The following TXNRD2 variants were observed in gnomAD, a reference collection of about 807,000 sequenced individuals.
TXNRD2 encodes thioredoxin reductase 2, mitochondrial.
TXNRD2 carries 67 observed loss-of-function variants against 70.8 expected under a neutral mutation model. That is an observed-to-expected ratio of 0.95 (90% CI 0.78 to 1.16). TXNRD2 has a LOEUF of 1.16. Ranked by LOEUF, TXNRD2 falls within the 50% of genes most tolerant of loss-of-function variation. TXNRD2 has a pLI of 0.00. For synonymous variants in TXNRD2, 301 were observed against 295.8 expected, an observed-to-expected ratio of 1.02 and a Z score of -0.18; for missense variants, 644 against 719.9, an observed-to-expected ratio of 0.89 and a Z score of 1.21.
At position 19,879,625 on chromosome 22, in the gene TXNRD2, G is replaced by C. The variant is rs533298364; in HGVS notation, c.1275+554C>G. ...AGACGAGGTGCAGGGTGGTGGGGGGGGTGGGGGTGGAAGCAGAGGTCGGAG... is the reference window on the plus strand; with the variant it reads ...AGACGAGGTGCAGGGTGGTGGGGGGCGTGGGGGTGGAAGCAGAGGTCGGAG... On this transcript the variant is annotated intron_variant, in intron 14 of 17. Transcript: ENST00000400521. Among the ~76,000 whole-genome samples, 96 of 151,524 alleles carry C rather than the reference G, an allele frequency of 6.3e-4. 2 individuals are homozygous for C. The highest frequency in any genetic ancestry group is 2.1e-3 in the African/African-American group (85 of 41,282).
chr22:19,880,799 G>A (rs771506048), intron 12 of TXNRD2, 82 bp from the exon 13 acceptor site: 14 of 939,598 alleles, frequency 1.5e-5, no homozygotes, highest in Admixed American at 7.9e-5. Flanking sequence ...TTTGCCCTCC[G>A]AGTGGGCATC....
At chr22:19,891,872 G>C (rs532113100) in intron 11 of TXNRD2, 5 of 152,236 alleles carry the variant, frequency 3.3e-5, no homozygotes, top group Admixed American at 6.5e-5. Flanking sequence ...TCAAGGCTGC[G>C]TCGAGGAAGG....
intron 3 of TXNRD2, 39 bp from the exon 4 acceptor site, chr22:19,919,043 G>A: frequency 4.4e-6 from 7 of 1,595,168 alleles, no homozygotes; most frequent in Non-Finnish European, 5.9e-6. Flanking sequence ...TTATGTTCAG[G>A]TGACTGCTGG....
chr22:19,884,486 T>C (rs3788306), intron 11 of TXNRD2: 38,453 of 152,220 alleles, frequency 0.25, 5,153 homozygotes, highest in Non-Finnish European at 0.3. Flanking sequence ...TGGTACTGAC[T>C]TCATCCGGAG....
intron 8 of TXNRD2, among the ~76,000 whole-genome samples, chr22:19,903,782 T>C (rs1406509255): frequency 6.6e-6 from 1 of 152,230 alleles, no homozygotes; most frequent in Non-Finnish European, 1.5e-5. Context: ...TTCCTCCACC[T>C]GCCGGGGGCT....
intron 7 of TXNRD2, 51 bp from the exon 8 acceptor site, chr22:19,911,498 T>A: frequency 2.1e-6 from 3 of 1,431,048 alleles, no homozygotes; most frequent in Non-Finnish European, 3.0e-6. Context: ...TGGCCTGTCC[T>A]AGGGCTTCCT....
rs182857388 is a variant in TXNRD2 at position 19,915,831 on chromosome 22, G to A, written c.462C>T (p.Tyr154=). 297 of 1,614,132 alleles carry A rather than the reference G, an allele frequency of 1.8e-4. 2 individuals are homozygous for A. In the East Asian group the frequency reaches 5.9e-3, roughly 32 times the overall value. Reference sequence around the variant, plus strand: ...CAACAAAGCTGGCTTTGATGTTAAAGTACTTGACTTTTCTGAAAGATAAAG... The same window carrying A: ...CAACAAAGCTGGCTTTGATGTTAAAATACTTGACTTTTCTGAAAGATAAAG... ...RVQLQDRKVK[Y]FNIKASFVDE... is the part of the protein sequence containing the mutation. Residue 154 remains tyrosine (Y), a synonymous_variant, in exon 6 of 18, where the codon TAC becomes TAT. Transcript: ENST00000400521.
chr22:19,934,102 C>T (rs969230152), intron 1 of TXNRD2, among the ~76,000 whole-genome samples: 6 of 152,240 alleles, frequency 3.9e-5, no homozygotes, highest in Admixed American at 6.5e-5. Flanking sequence ...CAGGGTGCCA[C>T]CTCAGGGGCC....
At chr22:19,929,947 C>T (rs925633019) in intron 2 of TXNRD2, among the ~76,000 whole-genome samples, 8 of 152,158 alleles carry the variant, frequency 5.3e-5, no homozygotes, top group African/African-American at 1.4e-4. Context: ...GTCCACATTC[C>T]GGATTAAAGG....
intron 1 of TXNRD2, chr22:19,932,209 T>A: frequency 4.7e-5 from 49 of 1,052,256 alleles, no homozygotes; most frequent in Non-Finnish European, 5.9e-5. Flanking sequence ...CCCCTGTCCC[T>A]CACAGCTGGC....
At position 19,881,399 on chromosome 22, in the gene TXNRD2, C is replaced by G. The variant is rs1044528136; in HGVS notation, c.1087-682G>C. The stretch of plus-strand genomic sequence containing the variant: ...GGCCTGACTAACTACGGAAACATCC[C>G]GGCGGGCGGCGCACAGCACACAACA... On this transcript the variant is annotated intron_variant, in intron 12 of 17. Coordinates refer to ENST00000400521, the MANE Select transcript of TXNRD2 (RefSeq NM_006440.5). 5 of 250,204 alleles carry G rather than the reference C, an allele frequency of 2.0e-5. No individual in the cohort carries two copies. The East Asian group carries it at 2.0e-4, about 10-fold the overall frequency. 15.5% of individuals were successfully genotyped at this position (250,204 alleles called of 1,614,324 possible).
intron 7 of TXNRD2, among the ~76,000 whole-genome samples, chr22:19,912,664 C>G (rs980725464): frequency 6.6e-6 from 1 of 152,188 alleles, no homozygotes; most frequent in Non-Finnish European, 1.5e-5. Flanking sequence ...CAGCAGCTGC[C>G]TTGAACAACT....
rs1414240940 is a variant in TXNRD2 at position 19,911,351 on chromosome 22, C to T, written c.662+26G>A. On this transcript the variant is annotated intron_variant, in intron 8 of 17. Transcript: ENST00000400521. ...CTCACTCTGGTGAACAAAAAGAGGA[C>T]CCCACCAAGCACGCGCAGGCCTTAC... 1.9e-6 allele frequency: 3 copies of T among 1,595,392 alleles called. No homozygotes were observed. In the East Asian group the frequency reaches 6.7e-5, roughly 36 times the overall value.
chr22:19,929,691 T>G (rs1401573686), intron 2 of TXNRD2, among the ~76,000 whole-genome samples: 2 of 152,124 alleles, frequency 1.3e-5, no homozygotes, highest in Non-Finnish European at 2.9e-5. Context: ...AATAAGCATG[T>G]GTTGTTTCAG....
intron 16 of TXNRD2, among the ~76,000 whole-genome samples, chr22:19,877,710 C>T (rs1938573054): frequency 6.6e-6 from 1 of 152,256 alleles, no homozygotes; most frequent in Non-Finnish European, 1.5e-5. Flanking sequence ...CGAAAACACA[C>T]AGCCTGAGCC....
At chr22:19,898,650 G>A (rs1165881840) in intron 9 of TXNRD2, among the ~76,000 whole-genome samples, 1 of 151,950 alleles carries the variant, frequency 6.6e-6, no homozygotes, top group Non-Finnish European at 1.5e-5. Context: ...AAGTAGCTGG[G>A]ACTACAGGCA....
chr22:19,907,373 A>G (rs866591184), intron 8 of TXNRD2, among the ~76,000 whole-genome samples: 39 of 8,238 alleles, frequency 4.7e-3, no homozygotes, highest in South Asian at 8.3e-3. Flanking sequence ...GAGTGTGGGC[A>G]CCGTGGGTAG....
At chr22:19,932,600 G>T in intron 1 of TXNRD2, 6 of 1,432,578 alleles carry the variant, frequency 4.2e-6, no homozygotes, top group Non-Finnish European at 5.5e-6. Flanking sequence ...AAGGAAGGAA[G>T]AAATAATAGC....
chr22:19,941,779 G>T lies in TXNRD2; in HGVS notation c.25C>A (p.Arg9=). MAAMAVAL[R]GLGGRFRWRT... ...CACCGGAAGCGCCCTCCTAATCCCCGCAGCGCCACCGCCATTGCCGCCATC... is the reference window on the plus strand; with the variant it reads ...CACCGGAAGCGCCCTCCTAATCCCCTCAGCGCCACCGCCATTGCCGCCATC... Residue 9 remains arginine (R), a synonymous_variant, in exon 1 of 18, where the codon CGG becomes AGG. Coordinates refer to ENST00000400521, the MANE Select transcript of TXNRD2 (RefSeq NM_006440.5). The T allele has an allele frequency of 6.5e-7, 1 of 1,527,132 alleles. No individual in the cohort carries two copies. The highest frequency in any genetic ancestry group is 8.7e-7 in the Non-Finnish European group (1 of 1,147,210). The allele number at this position is 1,527,132 out of a possible 1,614,324, so 94.6% of individuals were successfully genotyped here.
Sources: gnomAD v4.1 joint callset for allele counts (sites outside exome capture counted in the v4.1 genomes callset) on GRCh38, gnomAD v4.1.1 for gene constraint, MANE v1.5 for transcripts, NCBI Gene and HGNC (gene_info 2026-07-23, HGNC 2026-07-21) for gene names.